The following DNAJA1 variants were observed in gnomAD, a reference collection of about 807,000 sequenced individuals.
The protein encoded by DNAJA1 is dnaJ homolog subfamily A member 1.
Under a neutral mutation model 47.6 loss-of-function variants are expected in DNAJA1, and 26 were observed. That is an observed-to-expected ratio of 0.55 (90% confidence interval 0.40 to 0.76). The LOEUF is 0.76. Among genes scored for constraint, DNAJA1 ranks in the 30% least tolerant of loss-of-function variants. The probability of loss-of-function intolerance (pLI) is 0.00; values close to 1 mark genes in which losing one functional copy is unlikely to be tolerated. For synonymous variants in DNAJA1, 165 were observed against 158.4 expected (o/e 1.04, Z -0.31); for missense variants, 315 against 485.0 (o/e 0.65, Z 3.29).
At chr9:33,029,187 A>T (rs532618362) in intron 3 of DNAJA1, among the ~76,000 whole-genome samples, 3 of 152,244 alleles carry the variant, frequency 2.0e-5, no homozygotes, top group Non-Finnish European at 4.4e-5. Flanking sequence ...AAATGGCCAC[A>T]TTTACATGCT....
At chr9:33,037,703 T>C (rs1020064610) in intron 8 of DNAJA1, among the ~76,000 whole-genome samples, 13 of 152,112 alleles carry the variant, frequency 8.5e-5, no homozygotes, top group Non-Finnish European at 1.6e-4. Flanking sequence ...AAAGAAAATT[T>C]ACCTAATAAC....
At position 33,025,700 on chromosome 9, in the gene DNAJA1, G is replaced by T. The variant is rs969432513; in HGVS notation, c.-11+317G>T. ...TCCCCGTCCGTGCTCGCTCGGGGTG[G>T]GGGGGGGGAGTGGGGTTGGCGACCC... On this transcript the variant is annotated intron_variant, in intron 1 of 8. Coordinates refer to ENST00000330899, the MANE Select transcript of DNAJA1 (RefSeq NM_001539.4). Among the ~76,000 whole-genome samples the T allele has an allele frequency of 2.5e-4, 11 of 44,030 alleles. No homozygotes were observed. The South Asian group carries it at 3.5e-3, about 14-fold the overall frequency. 28.9% of individuals were successfully genotyped at this position (44,030 alleles called of 152,430 possible).
chr9:33,036,818 C>T lies in DNAJA1; in HGVS notation c.874+129C>T. 3 of 804,614 alleles carry T rather than the reference C, an allele frequency of 3.7e-6. No individual in the cohort carries two copies. In the South Asian group the frequency reaches 5.5e-5, roughly 15 times the overall value. 49.8% of individuals were successfully genotyped at this position (804,614 alleles called of 1,614,324 possible). A position where few individuals can be genotyped will look rare whatever the true frequency, so the allele number is the denominator to read the frequency against. The stretch of plus-strand genomic sequence containing the variant: ...TTCTTTCTCGGTTACATATCCTTCT[C>T]TGGGCTTAGATGAAGTTATAAGGTC... On this transcript the variant is annotated intron_variant, in intron 7 of 8. Coordinates refer to ENST00000330899, the MANE Select transcript of DNAJA1 (RefSeq NM_001539.4).
intron 1 of DNAJA1, among the ~76,000 whole-genome samples, chr9:33,026,170 C>T (rs1374742106): frequency 6.6e-6 from 1 of 152,204 alleles, no homozygotes; most frequent in African/African-American, 2.4e-5. Flanking sequence ...CTGTCACCGC[C>T]TCTAGGGCAA....
At chr9:33,027,331 T>G (rs1158622271) in intron 3 of DNAJA1, among the ~76,000 whole-genome samples, 1 of 151,850 alleles carries the variant, frequency 6.6e-6, no homozygotes, top group Non-Finnish European at 1.5e-5. Context: ...AATTTTGTAT[T>G]TTTAGTAGAG....
At chr9:33,029,842 C>T (rs1246185678) in intron 3 of DNAJA1, 43 bp from the exon 4 acceptor site, 3 of 1,500,022 alleles carry the variant, frequency 2.0e-6, no homozygotes, top group Non-Finnish European at 2.7e-6. Flanking sequence ...AAATAAGATC[C>T]AGCATCTTAA....
At chr9:33,027,461 G>A (rs1406494827) in intron 3 of DNAJA1, among the ~76,000 whole-genome samples, 1 of 151,882 alleles carries the variant, frequency 6.6e-6, no homozygotes. Flanking sequence ...CCCAGCCAGT[G>A]GTGTCGCTTT....
Position 33,039,809 on chromosome 9 carries a change from A to C in DNAJA1, c.*906A>C, listed in dbSNP as rs1256872865. 1.3e-5 allele frequency: 2 copies of C among 152,070 alleles called. No homozygotes were observed. The highest frequency in any genetic ancestry group is 4.8e-5 in the African/African-American group (2 of 41,434). The allele number at this position is 152,070 out of a possible 1,614,324, so 9.4% of individuals were successfully genotyped here. A position where few individuals can be genotyped will look rare whatever the true frequency, so the allele number is the denominator to read the frequency against. ...TGAATAGCTTTAATTGTATGTTTAA[A>C]AGTCTCATATGTTCACATGCTTAAA... is the stretch of plus-strand genomic sequence containing the variant. On this transcript the variant is annotated 3_prime_UTR_variant, in exon 9 of 9. Coordinates refer to ENST00000330899, the MANE Select transcript of DNAJA1 (RefSeq NM_001539.4).
At chr9:33,031,648 C>T (rs1240378465) in intron 5 of DNAJA1, among the ~76,000 whole-genome samples, 2 of 152,014 alleles carry the variant, frequency 1.3e-5, no homozygotes, top group Non-Finnish European at 2.9e-5. Flanking sequence ...TTAGGCTGGT[C>T]TCAAACTCTT....
At chr9:33,027,894 C>G (rs538506813) in intron 3 of DNAJA1, among the ~76,000 whole-genome samples, 2 of 151,436 alleles carry the variant, frequency 1.3e-5, no homozygotes, top group Non-Finnish European at 2.9e-5. Flanking sequence ...CATGGTGGTG[C>G]GTGCCTGTAA....
rs1363680027 is a variant in DNAJA1 at position 33,034,028 on chromosome 9, G to A, written c.644-188G>A. On this transcript the variant is annotated intron_variant, in intron 5 of 8. Transcript: ENST00000330899. ...CTGAGATTTGAAGGCTAGTCTCTTT[G>A]CCTCTGGAGTTTGTGTTCTCCACTA... Among the ~76,000 whole-genome samples the A allele has an allele frequency of 2.0e-5, 3 of 152,192 alleles. No individual in the cohort carries two copies. The East Asian group carries it at 5.8e-4, about 29-fold the overall frequency.
chr9:33,036,573 G>A lies in DNAJA1; in HGVS notation c.759-1G>A. The A allele has an allele frequency of 6.3e-7, 1 of 1,598,926 alleles. No homozygotes were observed. The highest frequency in any genetic ancestry group is 8.5e-7 in the Non-Finnish European group (1 of 1,170,228). ...ATAAATATGTGTCATATTTTATGCAGACGAGGAGAAGACCTTTTCATGTGT... is the reference window on the plus strand; with the variant it reads ...ATAAATATGTGTCATATTTTATGCAAACGAGGAGAAGACCTTTTCATGTGT... On this transcript the variant is annotated splice_acceptor_variant, in intron 6 of 8. Coordinates refer to ENST00000330899, the MANE Select transcript of DNAJA1 (RefSeq NM_001539.4). LOFTEE classifies it high-confidence loss of function.
rs530350946 is a variant in DNAJA1, at chr9:33,031,117, G to A, written c.643+450G>A. Among the ~76,000 whole-genome samples, 35 of 152,288 alleles carry A rather than the reference G, an allele frequency of 2.3e-4. 1 individual carries two copies. Among genetic ancestry groups the A allele is most frequent in the South Asian group, 2.1e-3 (10 of 4,824 alleles). ...AAAAATTCATGGTTTTTTTGGAGAC[G>A]GAGTTTCGCTCTTGTTTCCCAGGCT... is the stretch of plus-strand genomic sequence containing the variant. On this transcript the variant is annotated intron_variant, in intron 5 of 8. Coordinates refer to ENST00000330899, the MANE Select transcript of DNAJA1 (RefSeq NM_001539.4).
Position 33,027,467 on chromosome 9 carries a change from G to A in DNAJA1, c.310+477G>A, listed in dbSNP as rs569099812. ...GCCACCATGCCCAGCCAGTGGTGTC[G>A]CTTTTTTTAAAATGAGATTTAAGGG... is the stretch of plus-strand genomic sequence containing the variant. On this transcript the variant is annotated intron_variant, in intron 3 of 8. Coordinates refer to ENST00000330899, the MANE Select transcript of DNAJA1 (RefSeq NM_001539.4). Among the ~76,000 whole-genome samples, 24 of 152,130 alleles carry A rather than the reference G, an allele frequency of 1.6e-4. No homozygotes were observed. In the East Asian group the frequency reaches 3.3e-3, roughly 21 times the overall value.
At position 33,026,926 on chromosome 9, in the gene DNAJA1, C is replaced by T. The variant is rs11542820; in HGVS notation, c.246C>T (p.Gly82=). 6.2e-7 allele frequency: 1 copy of T among 1,614,066 alleles called. No homozygotes were observed. Among genetic ancestry groups the T allele is most frequent in the Admixed American group, 1.7e-5 (1 of 60,004 alleles). ...AGGGTGGAGCAGGTGGCGGTTTTGG[C>T]TCCCCCATGGACATCTTTGATATGT... ...IKEGGAGGGF[G]SPMDIFDMFF... Residue 82 remains glycine, a synonymous_variant, in exon 3 of 9, where the codon GGC becomes GGT. Transcript: ENST00000330899.
intron 8 of DNAJA1, chr9:33,037,319 A>AAC: frequency 3.4e-6 from 1 of 292,346 alleles, no homozygotes; most frequent in Non-Finnish European, 6.2e-6. Context: ...TAAAAAAACA[A>AAC]AAAAAAAAAA....
intron 5 of DNAJA1, among the ~76,000 whole-genome samples, chr9:33,031,998 A>G (rs1454432590): frequency 2.0e-5 from 3 of 152,230 alleles, no homozygotes; most frequent in African/African-American, 7.2e-5. Flanking sequence ...ACACTGCAGA[A>G]ATTTTAAGAA....
intron 3 of DNAJA1, among the ~76,000 whole-genome samples, chr9:33,029,415 C>A (rs1227377216): frequency 2.0e-5 from 3 of 152,228 alleles, no homozygotes; most frequent in Non-Finnish European, 4.4e-5. Flanking sequence ...ATAAATACAT[C>A]AGCTTCCCTG....
At chr9:33,025,583 A>G (rs1838798286) in intron 1 of DNAJA1, among the ~76,000 whole-genome samples, 200 bp downstream of exon 1, 1 of 151,998 alleles carries the variant, frequency 6.6e-6, no homozygotes, top group Non-Finnish European at 1.5e-5. Context: ...TGGGCCCGAG[A>G]CCTTTCCTAG....
Sources: allele counts gnomAD v4.1 joint callset (sites outside exome capture counted in the v4.1 genomes callset), GRCh38; gene constraint gnomAD v4.1.1; transcripts MANE v1.5; gene names NCBI Gene and HGNC (gene_info 2026-07-23, HGNC 2026-07-21).